Variants in ACBD6 observed in about 807,000 individuals in gnomAD.
ACBD6 encodes acyl-CoA-binding domain-containing protein 6.
In ACBD6, 28 loss-of-function variants were observed where a neutral mutation model predicts 37.2. That is an observed-to-expected ratio of 0.75 (90% confidence interval 0.56 to 1.03). The LOEUF is 1.03. Ranked by LOEUF, ACBD6 falls within the 50% of genes least tolerant of loss-of-function variation. The pLI is 0.00. For missense variants in ACBD6, 340 were observed against 337.4 expected (o/e 1.01, Z -0.06); for synonymous variants, 113 against 126.8 (o/e 0.89, Z 0.73).
chr1:180,475,661 AG>A (rs1378104889), intron 3 of ACBD6, among the ~76,000 whole-genome samples: 2 of 152,232 alleles, frequency 1.3e-5, no homozygotes, highest in African/African-American at 2.4e-5. Flanking sequence ...CTGGGATTAC[AG>A]GCATGAGCCA....
At chr1:180,385,751 C>T (rs1653824684) in intron 6 of ACBD6, among the ~76,000 whole-genome samples, 1 of 152,052 alleles carries the variant, frequency 6.6e-6, no homozygotes, top group Non-Finnish European at 1.5e-5. Context: ...CCTGTTGGCG[C>T]CTTTATCTTT....
Position 180,495,946 on chromosome 1 carries a change from A to G in ACBD6, c.223-421T>C, listed in dbSNP as rs74132913. ...TTCATAACACTGTTTCTTCATGCTG[A>G]TTCTCATAACGCTATTAGCATTTTA... is the stretch of plus-strand genomic sequence containing the variant. On this transcript the variant is annotated intron_variant, in intron 1 of 7. Coordinates refer to ENST00000367595, the MANE Select transcript of ACBD6 (RefSeq NM_032360.4). 6.6e-3 allele frequency among the ~76,000 whole-genome samples: 1,012 copies of G among 152,236 alleles called. 17 individuals carry two copies. Among genetic ancestry groups the G allele is most frequent in the African/African-American group, 0.023 (966 of 41,546 alleles).
chr1:180,286,039 T>G (rs1207141793), downstream of ACBD6, among the ~76,000 whole-genome samples: 1 of 152,188 alleles, frequency 6.6e-6, no homozygotes, highest in Non-Finnish European at 1.5e-5. Flanking sequence ...ATATCCCATG[T>G]AGTATATTAA....
chr1:180,466,518 G>C (rs2102050410), intron 3 of ACBD6, among the ~76,000 whole-genome samples: 1 of 152,238 alleles, frequency 6.6e-6, no homozygotes, highest in Non-Finnish European at 1.5e-5. Flanking sequence ...ATGAGAGCTT[G>C]ACACTTTCCC....
At chr1:180,299,495 T>C (rs1450469050) in intron 7 of ACBD6, among the ~76,000 whole-genome samples, 3 of 152,192 alleles carry the variant, frequency 2.0e-5, no homozygotes, top group Non-Finnish European at 4.4e-5. Context: ...CAGGTGAAGA[T>C]GAATTTCCAT....
At chr1:180,292,042 C>G (rs377487880) in intron 7 of ACBD6, among the ~76,000 whole-genome samples, 11 of 152,214 alleles carry the variant, frequency 7.2e-5, no homozygotes, top group Non-Finnish European at 1.6e-4. Context: ...GATCTATATA[C>G]CTATTCTTAT....
intron 3 of ACBD6, among the ~76,000 whole-genome samples, chr1:180,447,780 T>C (rs1289319716): frequency 6.6e-6 from 1 of 152,160 alleles, no homozygotes; most frequent in African/African-American, 2.4e-5. Context: ...GATTCAAATA[T>C]TTAAACCAGC....
At chr1:180,491,101 T>G (rs1446490615) in intron 3 of ACBD6, among the ~76,000 whole-genome samples, 2 of 152,172 alleles carry the variant, frequency 1.3e-5, no homozygotes, top group African/African-American at 4.8e-5. Flanking sequence ...ATATAATCTT[T>G]TAAAGTTCCT....
chr1:180,467,225 A>G (rs1054589871), intron 3 of ACBD6, among the ~76,000 whole-genome samples: 2 of 152,108 alleles, frequency 1.3e-5, no homozygotes, highest in East Asian at 3.9e-4. Flanking sequence ...GACTACAGAC[A>G]CATGCTACCA....
intron 6 of ACBD6, among the ~76,000 whole-genome samples, chr1:180,357,548 A>G (rs1464284854): frequency 6.6e-6 from 1 of 152,244 alleles, no homozygotes; most frequent in Admixed American, 6.5e-5. Flanking sequence ...GAAGAAATCC[A>G]ACTAAGAGAA....
At chr1:180,392,613 G>A (rs527901480) in intron 6 of ACBD6, among the ~76,000 whole-genome samples, 2 of 152,010 alleles carry the variant, frequency 1.3e-5, no homozygotes, top group Non-Finnish European at 2.9e-5. Flanking sequence ...TGGCATTGAT[G>A]CAATGACTAA....
intron 4 of ACBD6, among the ~76,000 whole-genome samples, chr1:180,423,625 C>A (rs1233174626): frequency 2.0e-5 from 3 of 152,014 alleles, no homozygotes; most frequent in Non-Finnish European, 4.4e-5. Context: ...AATCAATGAC[C>A]CAGATATTTC....
chr1:180,432,474 A>C (rs1026495528), intron 3 of ACBD6, among the ~76,000 whole-genome samples: 2 of 152,176 alleles, frequency 1.3e-5, no homozygotes, highest in African/African-American at 4.8e-5. Context: ...AAGAAGATAC[A>C]GAGATAGCAA....
intron 4 of ACBD6, among the ~76,000 whole-genome samples, chr1:180,419,698 A>G (rs1362409195): frequency 6.6e-6 from 1 of 152,224 alleles, no homozygotes; most frequent in Admixed American, 6.5e-5. Flanking sequence ...ATATTCTTAT[A>G]ATAAAGTAAG....
chr1:180,482,133 A>G (rs1207796849), intron 3 of ACBD6, among the ~76,000 whole-genome samples: 2 of 152,166 alleles, frequency 1.3e-5, no homozygotes, highest in African/African-American at 2.4e-5. Context: ...CTGTTTAGTT[A>G]TTTTTTTAAA....
chr1:180,425,575 T>A (rs761991199), intron 4 of ACBD6, among the ~76,000 whole-genome samples: 1 of 152,106 alleles, frequency 6.6e-6, no homozygotes, highest in Non-Finnish European at 1.5e-5. Context: ...TGCATAAAAA[T>A]CCAAATATTC....
intron 7 of ACBD6, among the ~76,000 whole-genome samples, chr1:180,302,252 T>G (rs573407598): frequency 6.6e-6 from 1 of 152,108 alleles, no homozygotes; most frequent in Non-Finnish European, 1.5e-5. Flanking sequence ...CTACATATAT[T>G]TTATGCATTC....
At chr1:180,422,698 T>C (rs1192898578) in intron 4 of ACBD6, among the ~76,000 whole-genome samples, 6 of 152,210 alleles carry the variant, frequency 3.9e-5, no homozygotes, top group African/African-American at 1.2e-4. Flanking sequence ...ATGGGTCTCA[T>C]GGTGTTATTC....
intron 6 of ACBD6, among the ~76,000 whole-genome samples, chr1:180,379,263 C>CA (rs1012668816): frequency 3.3e-5 from 5 of 152,146 alleles, no homozygotes; most frequent in Admixed American, 2.6e-4. Context: ...TTCTCTCCTA[C>CA]AAAAGCAAAT....
Sources: gnomAD v4.1 joint callset for allele counts (sites outside exome capture counted in the v4.1 genomes callset) on GRCh38, gnomAD v4.1.1 for gene constraint, MANE v1.5 for transcripts, NCBI Gene and HGNC (gene_info 2026-07-23, HGNC 2026-07-21) for gene names.